The following LSAMP variants were observed in gnomAD, a reference collection of about 807,000 sequenced individuals.
LSAMP encodes the protein limbic system-associated membrane protein.
A neutral mutation model predicts 38.6 loss-of-function variants in LSAMP; 7 were observed. That is an observed-to-expected ratio of 0.18 (90% CI 0.10 to 0.34). The LOEUF (loss-of-function observed/expected upper bound fraction) is 0.34, where lower values mean the gene tolerates loss of function less well. Among genes scored for constraint, LSAMP ranks in the 10% least tolerant of loss-of-function variants. LSAMP has a pLI of 1.00. For missense variants in LSAMP, 313 were observed against 420.0 expected (o/e 0.75, Z 2.23); for synonymous variants, 154 against 166.8 (o/e 0.92, Z 0.59).
intron 1 of LSAMP, among the ~76,000 whole-genome samples, chr3:116,298,260 G>A (rs900773629): frequency 6.6e-6 from 1 of 152,170 alleles, no homozygotes; most frequent in African/African-American, 2.4e-5. Flanking sequence ...AATCCCTGCA[G>A]AGCCACGGAC....
At chr3:115,843,621 A>T (rs1044323148) in intron 4 of LSAMP, among the ~76,000 whole-genome samples, 1 of 152,184 alleles carries the variant, frequency 6.6e-6, no homozygotes, top group African/African-American at 2.4e-5. Context: ...TAGTAAAGTG[A>T]ACGTTAGTGG....
chr3:115,885,671 A>C (rs889202143), intron 3 of LSAMP, among the ~76,000 whole-genome samples: 1 of 150,680 alleles, frequency 6.6e-6, no homozygotes, highest in African/African-American at 2.5e-5. Flanking sequence ...TGCATAAAGC[A>C]AGATAGATGC....
At chr3:116,144,562 C>CCT (rs5851993) in intron 1 of LSAMP, among the ~76,000 whole-genome samples, 1 of 142,148 alleles carries the variant, frequency 7.0e-6, no homozygotes, top group Non-Finnish European at 1.5e-5. Flanking sequence ...CATCACCTTA[C>CCT]TTTTTTTTTT....
In LSAMP at chr3:116,276,294, T is replaced by A. The variant is rs143927746; in HGVS notation, c.155+168583A>T. Among the ~76,000 whole-genome samples, 478 of 152,316 alleles carry A rather than the reference T, an allele frequency of 3.1e-3. 4 individuals are homozygous for A. The highest frequency in any genetic ancestry group is 0.011 in the African/African-American group (440 of 41,576). ...AAATCCTCAAAAACTACATTTGGAA[T>A]TCAAAAAGATCAGTCTTTGCACAAT... is the stretch of plus-strand genomic sequence containing the variant. On this transcript the variant is annotated intron_variant, in intron 1 of 6. Transcript: ENST00000490035.
At chr3:116,418,122 C>T (rs2049075172) in intron 1 of LSAMP, among the ~76,000 whole-genome samples, 1 of 152,146 alleles carries the variant, frequency 6.6e-6, no homozygotes, top group African/African-American at 2.4e-5. Context: ...TTTAGTTGGT[C>T]ACTTTCCTGT....
At chr3:116,366,884 C>T (rs1344667836) in intron 1 of LSAMP, among the ~76,000 whole-genome samples, 1 of 152,156 alleles carries the variant, frequency 6.6e-6, no homozygotes. Context: ...TCCCATCCCA[C>T]ATTATCTTCC....
rs190478395 is a variant in LSAMP, at chr3:115,987,610, C to T, written c.514+31905G>A. Among the ~76,000 whole-genome samples the T allele has an allele frequency of 1.4e-3, 217 of 152,252 alleles. 2 individuals are homozygous for T. Among genetic ancestry groups the T allele is most frequent in the African/African-American group, 5.1e-3 (210 of 41,558 alleles). The stretch of plus-strand genomic sequence containing the variant: ...TAAGTAACACTGTTTAGGTCAACAT[C>T]TTCAAAGTTTAGAAAACATTTATCA... On this transcript the variant is annotated intron_variant, in intron 3 of 6. Coordinates refer to ENST00000490035, the MANE Select transcript of LSAMP (RefSeq NM_002338.5).
At chr3:115,939,530 C>CCCTTTCTT (rs1553751052) in intron 3 of LSAMP, among the ~76,000 whole-genome samples, 14 of 99,720 alleles carry the variant, frequency 1.4e-4, no homozygotes, top group Non-Finnish European at 2.7e-4. Context: ...TGTTCTCTTT[C>CCCTTTCTT]TCTTTCTTTC....
chr3:116,114,715 T>G (rs1370215465), intron 1 of LSAMP, among the ~76,000 whole-genome samples: 1 of 152,218 alleles, frequency 6.6e-6, no homozygotes, highest in African/African-American at 2.4e-5. Flanking sequence ...ACTAAATAAA[T>G]CTCACAATGA....
intron 6 of LSAMP, among the ~76,000 whole-genome samples, chr3:115,828,020 A>C (rs1284157124): frequency 6.6e-6 from 1 of 152,182 alleles, no homozygotes; most frequent in Non-Finnish European, 1.5e-5. Context: ...AACTAAGCTT[A>C]ATTTGTATCT....
chr3:116,222,785 G>C (rs1250656257), intron 1 of LSAMP, among the ~76,000 whole-genome samples: 1 of 131,694 alleles, frequency 7.6e-6, no homozygotes, highest in Non-Finnish European at 1.5e-5. Flanking sequence ...GCCCAGGCTG[G>C]AGTCCAGTGG....
chr3:116,323,949 A>T (rs1038077118), intron 1 of LSAMP, among the ~76,000 whole-genome samples: 7 of 152,160 alleles, frequency 4.6e-5, no homozygotes, highest in Non-Finnish European at 1.0e-4. Context: ...AAATGATTCA[A>T]TGCCTTTTGG....
intron 2 of LSAMP, among the ~76,000 whole-genome samples, chr3:116,058,938 G>A (rs951343335): frequency 3.4e-5 from 5 of 147,984 alleles, no homozygotes; most frequent in South Asian, 2.1e-4. Flanking sequence ...TTGTTTGTTC[G>A]TTTTTTTTTT....
chr3:115,881,044 A>ATAAATAAATAAATAAAT (rs1936308798), intron 3 of LSAMP, among the ~76,000 whole-genome samples: 2 of 151,102 alleles, frequency 1.3e-5, no homozygotes, highest in Admixed American at 1.3e-4. Context: ...TCAAAAATAA[A>ATAAATAAATAAATAAAT]TAAATAAATA....
Position 115,828,065 on chromosome 3 carries a change from G to A in LSAMP, c.919+13780C>T, listed in dbSNP as rs114982632. On this transcript the variant is annotated intron_variant, in intron 6 of 6. Transcript: ENST00000490035. ...AGAAGTCAAAGCTTTCTCCAGATAG[G>A]TGGGATAAGGGCTTGGTGGTGCTTG... 5.1e-3 allele frequency among the ~76,000 whole-genome samples: 784 copies of A among 152,282 alleles called. 5 individuals are homozygous for A. Among genetic ancestry groups the A allele is most frequent in the Admixed American group, 9.5e-3 (145 of 15,306 alleles).
chr3:116,288,489 T>C (rs1243036072), intron 1 of LSAMP, among the ~76,000 whole-genome samples: 1 of 152,242 alleles, frequency 6.6e-6, no homozygotes, highest in Non-Finnish European at 1.5e-5. Context: ...CATTGTTGAT[T>C]CTTCACTGGG....
chr3:115,819,021 G>A (rs978251713), intron 6 of LSAMP, among the ~76,000 whole-genome samples: 4 of 150,840 alleles, frequency 2.7e-5, no homozygotes, highest in Non-Finnish European at 4.4e-5. Context: ...GTGGTGGCAC[G>A]TGCCTGTAAT....
At chr3:116,321,092 G>A (rs978038507) in intron 1 of LSAMP, among the ~76,000 whole-genome samples, 1 of 152,132 alleles carries the variant, frequency 6.6e-6, no homozygotes, top group Non-Finnish European at 1.5e-5. Context: ...AAGAATAGTT[G>A]CCAGGCATGG....
At chr3:116,140,701 C>T (rs1709350061) in intron 1 of LSAMP, among the ~76,000 whole-genome samples, 1 of 151,960 alleles carries the variant, frequency 6.6e-6, no homozygotes, top group African/African-American at 2.4e-5. Context: ...AATCAATTCA[C>T]AGCACACTAA....
Sources: gnomAD v4.1 joint callset for allele counts (sites outside exome capture counted in the v4.1 genomes callset) on GRCh38, gnomAD v4.1.1 for gene constraint, MANE v1.5 for transcripts, NCBI Gene and HGNC (gene_info 2026-07-23, HGNC 2026-07-21) for gene names.